The following TCF20 variants were observed in gnomAD, a reference collection of about 807,000 sequenced individuals.
The protein encoded by TCF20 is transcription factor 20.
A neutral mutation model predicts 148.6 loss-of-function variants in TCF20; 3 were observed. The observed-to-expected ratio is 0.02, with a 90% confidence interval of 0.01 to 0.05. The LOEUF (loss-of-function observed/expected upper bound fraction) is 0.05, where lower values mean the gene tolerates loss of function less well. Ranked by LOEUF, TCF20 falls within the 10% of genes least tolerant of loss-of-function variation. The pLI is 1.00. For synonymous variants in TCF20, 1,049 were observed against 909.5 expected (o/e 1.15, Z -2.76); for missense variants, 2,350 against 2,429.3 (o/e 0.97, Z 0.69).
intron 2 of TCF20, among the ~76,000 whole-genome samples, chr22:42,181,188 C>G (rs1281833295): frequency 6.6e-6 from 1 of 152,102 alleles, no homozygotes; most frequent in Admixed American, 6.6e-5. Flanking sequence ...TGTCTGCTGC[C>G]ACTTTCTTTT....
intron 1 of TCF20, among the ~76,000 whole-genome samples, chr22:42,304,524 T>C (rs1228726352): frequency 6.6e-6 from 1 of 152,204 alleles, no homozygotes; most frequent in Non-Finnish European, 1.5e-5. Flanking sequence ...GCCTGTTGCA[T>C]GCTGCGTCCG....
At chr22:42,250,192 C>CA in intron 1 of TCF20, among the ~76,000 whole-genome samples, 1 of 152,156 alleles carries the variant, frequency 6.6e-6, no homozygotes, top group Non-Finnish European at 1.5e-5. Flanking sequence ...GTAATCCCAG[C>CA]ACTTGTGAGG....
chr22:42,161,165 A>C lies in TCF20; in HGVS notation c.*238T>G. The C allele has an allele frequency of 1.8e-6, 1 of 568,996 alleles. No individual in the cohort carries two copies. Among genetic ancestry groups the C allele is most frequent in the Non-Finnish European group, 2.9e-6 (1 of 344,966 alleles). The allele number at this position is 568,996 out of a possible 1,614,324, so 35.2% of individuals were successfully genotyped here. ...CTATGGAGATTGTGTCCATGGAAAC[A>C]GCCATTCCAACGTCTTGGGTCTTTC... On this transcript the variant is annotated 3_prime_UTR_variant, in exon 6 of 6. Coordinates refer to ENST00000677622, the MANE Select transcript of TCF20 (RefSeq NM_001378418.1).
At chr22:42,181,432 C>T (rs1936766773) in intron 2 of TCF20, among the ~76,000 whole-genome samples, 1 of 152,092 alleles carries the variant, frequency 6.6e-6, no homozygotes, top group Admixed American at 6.6e-5. Flanking sequence ...ATCTGGCCTC[C>T]TGCTGCCACT....
chr22:42,335,110 G>C (rs907251817), intron 1 of TCF20, among the ~76,000 whole-genome samples: 15 of 151,878 alleles, frequency 9.9e-5, no homozygotes, highest in African/African-American at 3.4e-4. Flanking sequence ...TGCTCCCGGG[G>C]CCCTGCCCAC....
At chr22:42,251,461 T>C (rs1241824804) in intron 1 of TCF20, among the ~76,000 whole-genome samples, 1 of 149,488 alleles carries the variant, frequency 6.7e-6, no homozygotes, top group African/African-American at 2.5e-5. Context: ...AGATTACAGG[T>C]GTGAGACTCT....
chr22:42,282,189 TCCTGC>T (rs1926917171), intron 1 of TCF20, among the ~76,000 whole-genome samples: 1 of 152,218 alleles, frequency 6.6e-6, no homozygotes, highest in East Asian at 1.9e-4. Context: ...TGTAGATGGT[TCCTGC>T]CCTGGCTTCT....
chr22:42,239,715 AG>A (rs1433033075), intron 1 of TCF20, among the ~76,000 whole-genome samples: 1 of 152,200 alleles, frequency 6.6e-6, no homozygotes, highest in East Asian at 1.9e-4. Flanking sequence ...AGAACCCAGG[AG>A]GTGGAGGTTG....
At position 42,291,870 on chromosome 22, in the gene TCF20, G is replaced by A. The variant is rs971581359; in HGVS notation, c.-37+51609C>T. 8.6e-5 allele frequency among the ~76,000 whole-genome samples: 13 copies of A among 151,924 alleles called. 1 individual carries two copies. The highest frequency in any genetic ancestry group is 5.8e-4 in the East Asian group (3 of 5,154). ...TAAAGAAGCAAGCAGAAGGGCTAGCGTGAGGGGGTGGGGCCCTACCCAATT... is the reference window on the plus strand; with the variant it reads ...TAAAGAAGCAAGCAGAAGGGCTAGCATGAGGGGGTGGGGCCCTACCCAATT... On this transcript the variant is annotated intron_variant, in intron 1 of 1. Transcript: ENST00000515426.
chr22:42,193,961 GA>G (rs1937471159), intron 2 of TCF20, among the ~76,000 whole-genome samples: 2 of 152,032 alleles, frequency 1.3e-5, no homozygotes, highest in Non-Finnish European at 1.5e-5. Flanking sequence ...AGTGAGATTA[GA>G]AAAAAGCAAC....
chr22:42,248,959 G>GA (rs1925140508), intron 1 of TCF20, among the ~76,000 whole-genome samples: 1 of 152,200 alleles, frequency 6.6e-6, no homozygotes, highest in African/African-American at 2.4e-5. Context: ...GTGTGTGTCT[G>GA]TGAGGATGTT....
intron 1 of TCF20, among the ~76,000 whole-genome samples, chr22:42,291,886 C>T (rs1312026316): frequency 6.6e-6 from 1 of 151,994 alleles, no homozygotes; most frequent in Non-Finnish European, 1.5e-5. Flanking sequence ...GGGTGGGGCC[C>T]TACCCAATTC....
At chr22:42,236,709 A>G (rs1399799561) in intron 1 of TCF20, among the ~76,000 whole-genome samples, 4 of 152,222 alleles carry the variant, frequency 2.6e-5, no homozygotes, top group Non-Finnish European at 5.9e-5. Flanking sequence ...CATTCTATGA[A>G]AAATCAGCCA....
chr22:42,240,842 A>C (rs753753142), intron 1 of TCF20, among the ~76,000 whole-genome samples: 150 of 152,026 alleles, frequency 9.9e-4, no homozygotes, highest in Non-Finnish European at 1.5e-3. Flanking sequence ...GTCCATAAAA[A>C]ACTCAAATCT....
intron 2 of TCF20, among the ~76,000 whole-genome samples, chr22:42,204,074 A>C (rs1458257338): frequency 6.6e-6 from 1 of 152,186 alleles, no homozygotes; most frequent in African/African-American, 2.4e-5. Flanking sequence ...TCATAATGTA[A>C]TCAATCTATT....
chr22:42,338,171 G>T lies in TCF20; in HGVS notation c.-37+5308C>A, dbSNP rs59980541. Among the ~76,000 whole-genome samples, 9 of 152,290 alleles carry T rather than the reference G, an allele frequency of 5.9e-5. No homozygotes were observed. In the South Asian group the frequency reaches 1.9e-3, roughly 32 times the overall value. The stretch of plus-strand genomic sequence containing the variant: ...CACGCGTCCCCTGAGATCCCCCACC[G>T]CCCTGGATGTTCACGGTTCTGCAGC... On this transcript the variant is annotated intron_variant, in intron 1 of 1. Transcript: ENST00000515426. The surrounding 1 kb of genome is among the most constrained non-coding windows in gnomAD (Gnocchi z 4.0).
intron 3 of TCF20, among the ~76,000 whole-genome samples, chr22:42,175,898 G>GCTCAGGTAA (rs570225675): frequency 1.1e-3 from 163 of 152,004 alleles, no homozygotes; most frequent in African/African-American, 3.8e-3. Flanking sequence ...CCCCTCCTGG[G>GCTCAGGTAA]TCCTTCCATC....
intron 2 of TCF20, among the ~76,000 whole-genome samples, chr22:42,200,337 T>C (rs1310105274): frequency 6.6e-6 from 1 of 152,134 alleles, no homozygotes; most frequent in Admixed American, 6.6e-5. Flanking sequence ...CTGCTGCATC[T>C]AGTCAGTGTT....
At chr22:42,258,642 C>T (rs1346159069) in intron 1 of TCF20, among the ~76,000 whole-genome samples, 1 of 152,144 alleles carries the variant, frequency 6.6e-6, no homozygotes, top group East Asian at 1.9e-4. Flanking sequence ...CTGCTTCTCA[C>T]TTTTTCAGTA....
Sources: allele counts gnomAD v4.1 joint callset (sites outside exome capture counted in the v4.1 genomes callset), GRCh38; gene constraint gnomAD v4.1.1; non-coding constraint Gnocchi (gnomAD v3.1); transcripts MANE v1.5; gene names NCBI Gene and HGNC (gene_info 2026-07-23, HGNC 2026-07-21).